The following ZNF277 variants were observed in gnomAD, a reference collection of about 807,000 sequenced individuals.
The protein encoded by ZNF277 is nuclear receptor-interacting factor 4.
ZNF277 carries 55 observed loss-of-function variants against 60.7 expected under a neutral mutation model. The observed-to-expected ratio is 0.91, with a 90% CI of 0.73 to 1.13. The LOEUF (loss-of-function observed/expected upper bound fraction) is 1.13. ZNF277 is among the 50% of genes most tolerant of loss of function. ZNF277 has a pLI of 0.00. For synonymous variants in ZNF277, 178 were observed against 179.3 expected, an observed-to-expected ratio of 0.99 and a Z score of 0.06; for missense variants, 510 against 523.0, an observed-to-expected ratio of 0.98 and a Z score of 0.24.
chr7:112,305,162 C>A (rs959985482), intron 4 of ZNF277, among the ~76,000 whole-genome samples: 1 of 151,964 alleles, frequency 6.6e-6, no homozygotes, highest in Admixed American at 6.6e-5. Context: ...GAGGCTGAGG[C>A]GAGAGAATCG....
chr7:112,330,136 G>T lies in ZNF277; in HGVS notation c.721G>T (p.Asp241Tyr). The T allele has an allele frequency of 6.2e-7, 1 of 1,613,366 alleles. No homozygotes were observed. The highest frequency in any genetic ancestry group is 8.5e-7 in the Non-Finnish European group (1 of 1,179,752). Residue 241 changes from aspartate (D) to tyrosine (Y), a missense_variant, in exon 7 of 12, where the codon GAT becomes TAT. Transcript: ENST00000361822. ...KTFRDKNTLK[D>Y]HMRKKQHRKI... The stretch of plus-strand genomic sequence containing the variant: ...CTTCAGGGACAAAAATACACTTAAA[G>T]ATCACATGAGGAAAAAACAGCATCG...
intron 2 of ZNF277, among the ~76,000 whole-genome samples, chr7:112,291,509 G>A (rs1466759621): frequency 6.6e-6 from 1 of 152,108 alleles, no homozygotes; most frequent in African/African-American, 2.4e-5. Flanking sequence ...TTTCTTAGTG[G>A]CCTTTATATA....
At chr7:112,318,341 G>A (rs1187029828) in intron 5 of ZNF277, 68 bp downstream of exon 5, 14 of 1,380,304 alleles carry the variant, frequency 1.0e-5, no homozygotes, top group Non-Finnish European at 1.4e-5. Flanking sequence ...ATCCCTAACT[G>A]TTGGTTATAT....
At chr7:112,288,686 G>C (rs904391489) in intron 2 of ZNF277, 1 of 158,252 alleles carries the variant, frequency 6.3e-6, no homozygotes, top group African/African-American at 2.4e-5. Context: ...TGATTCGGCT[G>C]ATCTGGCTGG....
At chr7:112,234,411 G>A (rs1304282791) in intron 1 of ZNF277, among the ~76,000 whole-genome samples, 8 of 152,106 alleles carry the variant, frequency 5.3e-5, no homozygotes, top group Non-Finnish European at 1.2e-4. Context: ...TCTTTACATG[G>A]CAGAAGGGAC....
intron 4 of ZNF277, among the ~76,000 whole-genome samples, chr7:112,306,067 TC>T (rs1483242097): frequency 2.6e-5 from 4 of 152,140 alleles, no homozygotes; most frequent in African/African-American, 9.7e-5. Flanking sequence ...TTTGTTACTT[TC>T]AAGTTTCCAT....
intron 1 of ZNF277, among the ~76,000 whole-genome samples, chr7:112,272,523 T>C (rs1368692532): frequency 6.6e-6 from 1 of 152,204 alleles, no homozygotes; most frequent in Admixed American, 6.5e-5. Context: ...AGACAGAGTC[T>C]TCCTCTGTCG....
chr7:112,274,134 A>G (rs998958967), intron 1 of ZNF277, among the ~76,000 whole-genome samples: 8 of 151,828 alleles, frequency 5.3e-5, no homozygotes, highest in Admixed American at 3.9e-4. Flanking sequence ...GGTACTTTCA[A>G]AAGTTTATTT....
chr7:112,285,857 A>G lies in ZNF277; in HGVS notation c.92-1016A>G, dbSNP rs184698663. On this transcript the variant is annotated intron_variant, in intron 1 of 11. Coordinates refer to ENST00000361822, the MANE Select transcript of ZNF277 (RefSeq NM_021994.3). ...AGGAAACTTTAACGGGAGAACTAAT[A>G]TTAACCTAATTCTGAAAACTTGTCT... is the stretch of plus-strand genomic sequence containing the variant. 2.9e-4 allele frequency among the ~76,000 whole-genome samples: 44 copies of G among 152,348 alleles called. No homozygotes were observed. The East Asian group carries it at 8.3e-3, about 29-fold the overall frequency.
intron 2 of ZNF277, chr7:112,287,484 A>C (rs1268053991): frequency 6.5e-6 from 1 of 152,712 alleles, no homozygotes; most frequent in African/African-American, 2.4e-5. Context: ...GTTTCTCCTT[A>C]GACTTAAAAA....
intron 5 of ZNF277, among the ~76,000 whole-genome samples, chr7:112,327,499 A>G (rs901909488): frequency 6.6e-6 from 1 of 152,216 alleles, no homozygotes; most frequent in African/African-American, 2.4e-5. Flanking sequence ...CAAGCAGCAG[A>G]TAGTAGAACA....
At chr7:112,207,564 T>C (rs1394038798) in intron 1 of ZNF277, among the ~76,000 whole-genome samples, 1 of 152,204 alleles carries the variant, frequency 6.6e-6, no homozygotes, top group East Asian at 1.9e-4. Flanking sequence ...TCTGATCCAC[T>C]GTAGGAATAA....
intron 1 of ZNF277, among the ~76,000 whole-genome samples, chr7:112,213,818 G>A (rs551519438): frequency 6.6e-6 from 1 of 152,200 alleles, no homozygotes; most frequent in Non-Finnish European, 1.5e-5. Context: ...ATAGTGAAAA[G>A]ATTTTAAAAT....
At chr7:112,337,405 A>G (rs781663016) in intron 8 of ZNF277, among the ~76,000 whole-genome samples, 20 of 152,192 alleles carry the variant, frequency 1.3e-4, no homozygotes, top group Non-Finnish European at 2.4e-4. Context: ...ACATTTTCTG[A>G]TATGTCTCCT....
chr7:112,266,543 A>G (rs1791555295), intron 1 of ZNF277, among the ~76,000 whole-genome samples: 1 of 151,866 alleles, frequency 6.6e-6, no homozygotes, highest in African/African-American at 2.4e-5. Context: ...TTCAAATATC[A>G]AAAAATGAAG....
At chr7:112,327,068 T>A (rs985104665) in intron 5 of ZNF277, among the ~76,000 whole-genome samples, 14 of 152,208 alleles carry the variant, frequency 9.2e-5, no homozygotes, top group Non-Finnish European at 1.9e-4. Flanking sequence ...TCTGGCTAAA[T>A]GCCTGTGATC....
intron 1 of ZNF277, among the ~76,000 whole-genome samples, chr7:112,273,506 A>G (rs1791727856): frequency 1.3e-5 from 2 of 152,222 alleles, no homozygotes; most frequent in Non-Finnish European, 2.9e-5. Context: ...ATATGAAGTT[A>G]AAACCAGGTA....
At chr7:112,298,649 G>A (rs962013978) in intron 4 of ZNF277, among the ~76,000 whole-genome samples, 3 of 152,186 alleles carry the variant, frequency 2.0e-5, no homozygotes, top group Non-Finnish European at 4.4e-5. Context: ...GTCAAAGCCT[G>A]AGAAAGACTA....
At chr7:112,241,370 G>A (rs1439474706) in intron 1 of ZNF277, among the ~76,000 whole-genome samples, 1 of 152,122 alleles carries the variant, frequency 6.6e-6, no homozygotes, top group African/African-American at 2.4e-5. Flanking sequence ...ACAAATCCTG[G>A]CAAGGATGTG....
Sources: gnomAD v4.1 joint callset for allele counts (sites outside exome capture counted in the v4.1 genomes callset) on GRCh38, gnomAD v4.1.1 for gene constraint, MANE v1.5 for transcripts, NCBI Gene and HGNC (gene_info 2026-07-23, HGNC 2026-07-21) for gene names.